SF3A1: variants seen among roughly 807,000 people sequenced by gnomAD.
SF3A1 encodes the protein splicing factor 3a subunit 1.
Under a neutral mutation model 89.9 loss-of-function variants are expected in SF3A1, and 13 were observed. The ratio of observed to expected loss-of-function variants is 0.14; its 90% confidence interval spans 0.09 to 0.23. SF3A1 has a LOEUF of 0.23. Ranked by LOEUF, SF3A1 falls within the 10% of genes least tolerant of loss-of-function variation. The pLI is 1.00. For missense variants in SF3A1, 604 were observed against 1,022.1 expected (o/e 0.59, Z 5.58); for synonymous variants, 405 against 374.4 (o/e 1.08, Z -0.94).
At chr22:30,337,603 C>T (rs981356691) in intron 12 of SF3A1, 87 bp downstream of exon 12, 2 of 750,466 alleles carry the variant, frequency 2.7e-6, no homozygotes, top group Middle Eastern at 3.5e-4. Flanking sequence ...GAACAGCTGG[C>T]ACTAGCATCA....
intron 2 of SF3A1, among the ~76,000 whole-genome samples, chr22:30,346,995 G>A (rs527962204): frequency 5.0e-4 from 76 of 152,322 alleles, no homozygotes; most frequent in African/African-American, 1.7e-3. Flanking sequence ...CAAAGGGGTA[G>A]CAAGTGCTGG....
Position 30,341,643 on chromosome 22 carries a change from TG to T in SF3A1, c.1071+48del, listed in dbSNP as rs776408838. 37 of 1,545,880 alleles carry T rather than the reference TG, an allele frequency of 2.4e-5. No individual in the cohort carries two copies. In the Admixed American group the frequency reaches 5.7e-4, roughly 24 times the overall value. ...ACTGGTGGAGAGCACTTCGACCTCC[TG>T]GGGCTTCAGGGGAAAAGGTCATCCT... On this transcript the variant is annotated intron_variant, in intron 7 of 15. Coordinates refer to ENST00000215793, the MANE Select transcript of SF3A1 (RefSeq NM_005877.6).
Position 30,341,864 on chromosome 22 carries a change from G to T in SF3A1, c.899C>A (p.Thr300Lys), listed in dbSNP as rs1204236881. Reference protein sequence around the residue: ...NEQGNFPPPTTPEELGARILI... With the variant: ...NEQGNFPPPTKPEELGARILI... ...GATTCGGGCCCCCAGCTCCTCTGGC[G>T]TGGTGGGGGGAGGGAAGTTCCCTAG... The change falls in exon 7 of 16, where the codon ACG becomes AAG. Residue 300 changes from threonine (T) to lysine (K), a missense_variant. Thr to Lys is a moderately conservative substitution (Grantham distance 78). Transcript: ENST00000215793. 2 of 1,613,094 alleles carry T rather than the reference G, an allele frequency of 1.2e-6. No homozygotes were observed. Among genetic ancestry groups the T allele is most frequent in the East Asian group, 2.2e-5 (1 of 44,898 alleles).
At chr22:30,346,939 C>T (rs1380464394) in intron 2 of SF3A1, among the ~76,000 whole-genome samples, 4 of 152,250 alleles carry the variant, frequency 2.6e-5, no homozygotes, top group African/African-American at 9.6e-5. Flanking sequence ...CAAAGTAATA[C>T]TGTCAAAGTT....
intron 11 of SF3A1, 138 bp from the exon 12 acceptor site, chr22:30,338,035 T>C (rs1013061785): frequency 9.8e-6 from 7 of 717,402 alleles, no homozygotes; most frequent in Non-Finnish European, 1.8e-5. Context: ...ACTGAGAAAC[T>C]GTGGCCTACA....
chr22:30,340,613 T>C lies in SF3A1; in HGVS notation c.1189+82A>G, dbSNP rs1931220128. The C allele has an allele frequency of 4.2e-6, 4 of 953,586 alleles. No homozygotes were observed. In the East Asian group the frequency reaches 9.6e-5, roughly 23 times the overall value. The allele number at this position is 953,586 out of a possible 1,614,324, so 59.1% of individuals were successfully genotyped here. Reference sequence around the variant, plus strand: ...CAATAAGCTGCACCTCAAGCCCTCCTAGAAAGACGGGTGTGAGGAACACAT... The same window carrying C: ...CAATAAGCTGCACCTCAAGCCCTCCCAGAAAGACGGGTGTGAGGAACACAT... On this transcript the variant is annotated intron_variant, in intron 8 of 15. Transcript: ENST00000215793.
chr22:30,356,017 A>G (rs1441131022), intron 1 of SF3A1, among the ~76,000 whole-genome samples: 5 of 151,940 alleles, frequency 3.3e-5, no homozygotes, highest in Non-Finnish European at 7.4e-5. Flanking sequence ...CCAGCAAACA[A>G]TGTTCATTAG....
intron 8 of SF3A1, 139 bp from the exon 9 acceptor site, chr22:30,340,520 G>T: frequency 1.1e-6 from 1 of 946,120 alleles, no homozygotes; most frequent in Non-Finnish European, 1.7e-6. Flanking sequence ...AAGGCACTAG[G>T]GCACCAGAGA....
At position 30,344,928 on chromosome 22, in the gene SF3A1, G is replaced by A. The variant is rs369812757; in HGVS notation, c.651+5C>T. ...CAGGACCCCAGCCCCATCCTGCCCA[G>A]GCACCTTGGTGTACTGTTCCACTAG... On this transcript the variant is annotated splice_donor_5th_base_variant and intron_variant, in intron 4 of 15. Transcript: ENST00000215793. The A allele has an allele frequency of 2.5e-5, 40 of 1,612,178 alleles. No homozygotes were observed. In the African/African-American group the frequency reaches 5.3e-4, roughly 22 times the overall value.
chr22:30,348,476 T>C (rs977740030), intron 2 of SF3A1, among the ~76,000 whole-genome samples: 20 of 152,148 alleles, frequency 1.3e-4, no homozygotes, highest in African/African-American at 4.8e-4. Context: ...AAATTTCACC[T>C]CTGAAAACAA....
chr22:30,343,389 G>A (rs1931323745), intron 4 of SF3A1, among the ~76,000 whole-genome samples: 1 of 152,200 alleles, frequency 6.6e-6, no homozygotes. Context: ...ACTCCATGAA[G>A]ACAGGGATTT....
At chr22:30,344,789 C>T in intron 4 of SF3A1, 144 bp downstream of exon 4, 1 of 935,312 alleles carries the variant, frequency 1.1e-6, no homozygotes, top group South Asian at 1.6e-5. Flanking sequence ...CAAGGTTTTA[C>T]ATTAAACTGG....
At chr22:30,343,987 AAAC>A (rs1279820492) in intron 4 of SF3A1, among the ~76,000 whole-genome samples, 1 of 152,268 alleles carries the variant, frequency 6.6e-6, no homozygotes, top group Non-Finnish European at 1.5e-5. Flanking sequence ...AAGGGAAGGA[AAAC>A]AACCTCCATG....
At chr22:30,342,782 G>A in intron 5 of SF3A1, 23 bp downstream of exon 5, 1 of 1,487,094 alleles carries the variant, frequency 6.7e-7, no homozygotes, top group South Asian at 1.1e-5. Context: ...GTAACTGGTT[G>A]CAAGAAATGC....
rs1370165248 is a variant in SF3A1, at chr22:30,337,788, G to A, written c.1853C>T (p.Pro618Leu). Residue 618 changes from proline to leucine, a missense_variant, in exon 12 of 16, where the codon CCG becomes CTG. Pro to Leu is a moderately conservative substitution (Grantham distance 98, BLOSUM62 -3). Around this residue, in one of 9 missense-constraint regions of SF3A1, gnomAD observed 85 missense variants for 137.3 expected, o/e 0.62. Transcript: ENST00000215793. ...GATTCTGGGCGCGTGGATGATGGGC[G>A]GCATGGGGGCGATCACTGAGCCTGG... ...LPPGSVIAPM[P>L]PIIHAPRINV... 2 of 1,598,682 alleles carry A rather than the reference G, an allele frequency of 1.3e-6. No individual in the cohort carries two copies. Among genetic ancestry groups the A allele is most frequent in the Non-Finnish European group, 1.7e-6 (2 of 1,173,700 alleles).
intron 2 of SF3A1, among the ~76,000 whole-genome samples, chr22:30,350,667 A>G (rs1425286241): frequency 1.3e-5 from 2 of 152,204 alleles, no homozygotes; most frequent in African/African-American, 2.4e-5. Flanking sequence ...CTAGTATTAC[A>G]AGGATCTAAA....
chr22:30,356,833 T>C lies in SF3A1; in HGVS notation c.-41A>G. ...GGCTGCCAGTCCGCCTCGGTGTCGGTGAGCGGTGCCGCCTCAAGACAGCCT... is the reference window on the plus strand; with the variant it reads ...GGCTGCCAGTCCGCCTCGGTGTCGGCGAGCGGTGCCGCCTCAAGACAGCCT... On this transcript the variant is annotated 5_prime_UTR_variant, in exon 1 of 16. Transcript: ENST00000215793. 1 of 1,308,884 alleles carries C rather than the reference T, an allele frequency of 7.6e-7. No homozygotes were observed. The highest frequency in any genetic ancestry group is 2.0e-5 in the South Asian group (1 of 49,418). 81.1% of individuals were successfully genotyped at this position (1,308,884 alleles called of 1,614,324 possible). A position where few individuals can be genotyped will look rare whatever the true frequency, so the allele number is the denominator to read the frequency against.
intron 7 of SF3A1, 36 bp downstream of exon 7, chr22:30,341,656 G>A (rs1569171765): frequency 1.3e-6 from 2 of 1,587,682 alleles, no homozygotes; most frequent in Non-Finnish European, 1.7e-6. Flanking sequence ...GGCTTCAGGG[G>A]AAAAGGTCAT....
Position 30,355,288 on chromosome 22 carries a change from G to A in SF3A1, c.63+1442C>T, listed in dbSNP as rs184064656. Among the ~76,000 whole-genome samples the A allele has an allele frequency of 1.8e-3, 271 of 152,302 alleles. 4 individuals are homozygous for A. The highest frequency in any genetic ancestry group is 2.9e-3 in the South Asian group (14 of 4,824). ...GGCCTCCCAAACTGCTGGAATTACA[G>A]GCGTGAGCCACTGGACCCGGCCAAG... On this transcript the variant is annotated intron_variant, in intron 1 of 15. Coordinates refer to ENST00000215793, the MANE Select transcript of SF3A1 (RefSeq NM_005877.6).
Sources: allele counts gnomAD v4.1 joint callset (sites outside exome capture counted in the v4.1 genomes callset), GRCh38; gene constraint gnomAD v4.1.1; regional missense constraint gnomAD v4.1.1; transcripts MANE v1.5; gene names NCBI Gene and HGNC (gene_info 2026-07-23, HGNC 2026-07-21).